Variants in PARD3B observed in about 807,000 individuals in gnomAD.
PARD3B encodes partitioning defective 3 homolog B.
In PARD3B, 103 loss-of-function variants were observed where a neutral mutation model predicts 130.2. That is an observed-to-expected ratio of 0.79 (90% CI 0.67 to 0.93). The LOEUF is 0.93. Ranked by LOEUF, PARD3B falls within the 40% of genes least tolerant of loss-of-function variation. The pLI is 0.00. For missense variants in PARD3B, 1,609 were observed against 1,499.2 expected (o/e 1.07, Z -1.21); for synonymous variants, 583 against 553.2 (o/e 1.05, Z -0.76).
intron 4 of PARD3B, among the ~76,000 whole-genome samples, chr2:205,081,285 A>G (rs574721089): frequency 9.7e-5 from 14 of 144,108 alleles, no homozygotes; most frequent in Non-Finnish European, 2.1e-4. Flanking sequence ...CCTGAAATTT[A>G]TTTTTTTCTG....
chr2:204,998,534 G>A (rs1694544009), intron 3 of PARD3B, among the ~76,000 whole-genome samples: 1 of 134,628 alleles, frequency 7.4e-6, no homozygotes, highest in Admixed American at 7.8e-5. Context: ...ATATATATGT[G>A]TGTATATATA....
In PARD3B at chr2:204,686,186, T is replaced by C; in HGVS notation, c.126T>C (p.Pro42=). 1 of 1,606,090 alleles carries C rather than the reference T, an allele frequency of 6.2e-7. No homozygotes were observed. Residue 42 remains proline, a synonymous_variant, in exon 2 of 23, where the codon CCT becomes CCC. Transcript: ENST00000406610. ...TTGTGTTTGTTCTACTATAGGGTCC[T>C]GGTTACTGGGTGAAGATTCATCACT... The part of the protein sequence containing the change: ...QRYLKTREKG[P]GYWVKIHHLE...
intron 21 of PARD3B, among the ~76,000 whole-genome samples, chr2:205,526,316 C>G (rs1352913966): frequency 6.6e-6 from 1 of 152,178 alleles, no homozygotes; most frequent in African/African-American, 2.4e-5. Context: ...TCAACTGCTC[C>G]CCTGATATCT....
intron 22 of PARD3B, among the ~76,000 whole-genome samples, chr2:205,556,666 G>T (rs1244335154): frequency 1.3e-5 from 2 of 152,180 alleles, no homozygotes; most frequent in Non-Finnish European, 2.9e-5. Context: ...TTGGAAAGCG[G>T]AGTGTGGTTG....
intron 3 of PARD3B, among the ~76,000 whole-genome samples, chr2:204,979,152 G>C (rs949395069): frequency 2.6e-5 from 4 of 151,302 alleles, no homozygotes; most frequent in Non-Finnish European, 5.9e-5. Flanking sequence ...CTTGCAGTGA[G>C]CCGAGATTGC....
chr2:205,097,018 A>G (rs1702440497), intron 4 of PARD3B, among the ~76,000 whole-genome samples: 1 of 152,140 alleles, frequency 6.6e-6, no homozygotes, highest in African/African-American at 2.4e-5. Flanking sequence ...AAGTCTTAGG[A>G]AACGGGGGTC....
intron 2 of PARD3B, among the ~76,000 whole-genome samples, chr2:204,800,355 C>T (rs988242189): frequency 2.0e-5 from 3 of 150,964 alleles, no homozygotes; most frequent in Non-Finnish European, 4.4e-5. Flanking sequence ...AGAAAAAAAT[C>T]AAAGCACACC....
At chr2:204,963,075 T>G (rs757279288) in intron 2 of PARD3B, among the ~76,000 whole-genome samples, 1 of 152,206 alleles carries the variant, frequency 6.6e-6, no homozygotes, top group Non-Finnish European at 1.5e-5. Flanking sequence ...TACAGCTTTC[T>G]TTTTGGAAAA....
intron 21 of PARD3B, among the ~76,000 whole-genome samples, chr2:205,503,848 A>C (rs893573782): frequency 1.3e-5 from 2 of 151,542 alleles, no homozygotes; most frequent in African/African-American, 4.9e-5. Context: ...CTTTTATTTC[A>C]TTGAGCAGTG....
At chr2:205,194,611 G>A (rs939479652) in intron 15 of PARD3B, among the ~76,000 whole-genome samples, 1 of 152,106 alleles carries the variant, frequency 6.6e-6, no homozygotes, top group Non-Finnish European at 1.5e-5. Context: ...TTTTTGAGGA[G>A]AGAAATATAT....
intron 16 of PARD3B, among the ~76,000 whole-genome samples, chr2:205,259,332 C>G (rs919806387): frequency 6.6e-6 from 1 of 152,068 alleles, no homozygotes; most frequent in African/African-American, 2.4e-5. Context: ...CATGTATTTT[C>G]CTTGGCAACT....
intron 16 of PARD3B, among the ~76,000 whole-genome samples, chr2:205,256,637 G>A (rs1353682376): frequency 1.3e-5 from 2 of 152,058 alleles, no homozygotes; most frequent in Non-Finnish European, 2.9e-5. Context: ...ATAATTTATG[G>A]ATTAAAAAAT....
intron 18 of PARD3B, among the ~76,000 whole-genome samples, chr2:205,333,098 G>A (rs1559672214): frequency 1.3e-5 from 2 of 152,048 alleles, no homozygotes; most frequent in Admixed American, 1.3e-4. Flanking sequence ...TTAGTAGAGG[G>A]GTTTTATGAA....
chr2:204,759,881 T>C (rs773063332), intron 2 of PARD3B, among the ~76,000 whole-genome samples: 2 of 152,142 alleles, frequency 1.3e-5, no homozygotes, highest in Non-Finnish European at 2.9e-5. Flanking sequence ...TGGTCTAATG[T>C]AATCTGTTTT....
intron 3 of PARD3B, among the ~76,000 whole-genome samples, chr2:205,012,147 C>T (rs1695766661): frequency 6.6e-6 from 1 of 152,116 alleles, no homozygotes; most frequent in African/African-American, 2.4e-5. Flanking sequence ...AGAGAATTAC[C>T]ACTGATCCTG....
At chr2:205,109,340 C>T (rs1703458288) in intron 5 of PARD3B, among the ~76,000 whole-genome samples, 1 of 152,216 alleles carries the variant, frequency 6.6e-6, no homozygotes, top group Non-Finnish European at 1.5e-5. Flanking sequence ...AGCTAACACT[C>T]AGCCATGTGC....
chr2:205,266,005 A>G lies in PARD3B; in HGVS notation c.2185+20183A>G, dbSNP rs570357143. ...AGTCAGAAGACTCATTAGAAACATC[A>G]TACTAAAAAGTTAAAATGTTTCTTA... On this transcript the variant is annotated intron_variant, in intron 16 of 22. Transcript: ENST00000406610. Among the ~76,000 whole-genome samples the G allele has an allele frequency of 2.8e-4, 42 of 152,214 alleles. No individual in the cohort carries two copies. In the South Asian group the frequency reaches 4.6e-3, roughly 17 times the overall value.
chr2:204,607,379 CATGGGCTACT>C (rs1309336711), intron 1 of PARD3B, among the ~76,000 whole-genome samples: 1 of 152,076 alleles, frequency 6.6e-6, no homozygotes, highest in African/African-American at 2.4e-5. Context: ...GTGCAGTAGA[CATGGGCTACT>C]ATGGGAATAG....
intron 3 of PARD3B, among the ~76,000 whole-genome samples, chr2:205,040,282 T>G (rs1698303132): frequency 6.6e-6 from 1 of 152,188 alleles, no homozygotes; most frequent in Non-Finnish European, 1.5e-5. Context: ...TTTTATTGGC[T>G]ATCTAAATTA....
Sources: gnomAD v4.1 joint callset for allele counts (sites outside exome capture counted in the v4.1 genomes callset) on GRCh38, gnomAD v4.1.1 for gene constraint, MANE v1.5 for transcripts, NCBI Gene and HGNC (gene_info 2026-07-23, HGNC 2026-07-21) for gene names.